The following NAV2 variants were observed in gnomAD, a reference collection of about 807,000 sequenced individuals.
The protein encoded by NAV2 is helicase, APC down-regulated 1.
A neutral mutation model predicts 223.2 loss-of-function variants in NAV2; 54 were observed. That is an observed-to-expected ratio of 0.24 (90% CI 0.19 to 0.30). NAV2 has a LOEUF of 0.30. NAV2 is among the 10% of genes least tolerant of loss of function. The probability of loss-of-function intolerance (pLI) is 1.00; values close to 1 mark genes in which losing one functional copy is unlikely to be tolerated. For synonymous variants in NAV2, 1,279 were observed against 1,239.3 expected (o/e 1.03, Z -0.67); for missense variants, 2,806 against 3,147.5 (o/e 0.89, Z 2.60).
chr11:19,752,229 C>T (rs1397240947), intron 1 of NAV2, among the ~76,000 whole-genome samples: 2 of 152,146 alleles, frequency 1.3e-5, no homozygotes, highest in Non-Finnish European at 2.9e-5. Context: ...AAAGCCCACA[C>T]GAGGGTACTC....
chr11:19,456,150 C>T (rs1564950289), intron 1 of NAV2, among the ~76,000 whole-genome samples: 1 of 152,214 alleles, frequency 6.6e-6, no homozygotes, highest in Non-Finnish European at 1.5e-5. Flanking sequence ...CTCTGAAAAA[C>T]ATAACCGGAA....
intron 1 of NAV2, among the ~76,000 whole-genome samples, chr11:19,667,387 A>G (rs1170781213): frequency 6.6e-6 from 1 of 152,204 alleles, no homozygotes; most frequent in African/African-American, 2.4e-5. Flanking sequence ...GTATCTGACT[A>G]TGGGCACAGG....
intron 1 of NAV2, among the ~76,000 whole-genome samples, chr11:19,707,561 C>T (rs1030148871): frequency 6.6e-6 from 1 of 152,124 alleles, no homozygotes; most frequent in Non-Finnish European, 1.5e-5. Flanking sequence ...ATCTCCTATG[C>T]CAACAATGCC....
At position 19,948,820 on chromosome 11, in the gene NAV2, A is replaced by C; in HGVS notation, c.2385A>C (p.Gly795=). 6.2e-7 allele frequency: 1 copy of C among 1,613,968 alleles called. No individual in the cohort carries two copies. Among genetic ancestry groups the C allele is most frequent in the Non-Finnish European group, 8.5e-7 (1 of 1,180,000 alleles). The change falls in exon 10 of 38, where the codon GGA becomes GGC. Residue 795 remains glycine, a synonymous_variant. Coordinates refer to ENST00000349880, the MANE Select transcript of NAV2 (RefSeq NM_145117.5). ...LGQSSPRLQA[G]DAPSMGNGYP... is the part of the protein sequence containing the mutation. ...AGTCCAGCCCTCGGCTCCAAGCAGG[A>C]GACGCCCCCTCAATGGGCAATGGGT...
In NAV2 at chr11:20,121,092, G is replaced by T. The variant is rs2063450884; in HGVS notation, c.*2834G>T. On this transcript the variant is annotated 3_prime_UTR_variant, in exon 38 of 38. Coordinates refer to ENST00000349880, the MANE Select transcript of NAV2 (RefSeq NM_145117.5). ...AGGAACAAGACTTGCCTAGATCTTT[G>T]TTGTATCTTGGGGACTTTTACTTTG... The T allele has an allele frequency of 6.6e-6, 1 of 152,344 alleles. No homozygotes were observed. Among genetic ancestry groups the T allele is most frequent in the Non-Finnish European group, 1.5e-5 (1 of 68,026 alleles). 9.4% of individuals were successfully genotyped at this position (152,344 alleles called of 1,614,324 possible).
chr11:19,616,144 C>A (rs1456367438), intron 1 of NAV2, among the ~76,000 whole-genome samples: 2 of 151,916 alleles, frequency 1.3e-5, no homozygotes, highest in Non-Finnish European at 2.9e-5. Flanking sequence ...CAAAATAGAG[C>A]CCCGTAGACT....
At chr11:20,062,022 G>A (rs1003178642) in intron 19 of NAV2, among the ~76,000 whole-genome samples, 8 of 152,186 alleles carry the variant, frequency 5.3e-5, no homozygotes, top group African/African-American at 7.2e-5. Flanking sequence ...ACACTTCTCC[G>A]TACTTGAACA....
chr11:19,572,045 A>T (rs1459065060), intron 1 of NAV2, among the ~76,000 whole-genome samples: 1 of 152,184 alleles, frequency 6.6e-6, no homozygotes, highest in Non-Finnish European at 1.5e-5. Context: ...GCCCCCTGCT[A>T]CCTGGGGCAG....
chr11:19,724,459 T>C (rs2152384148), intron 1 of NAV2, among the ~76,000 whole-genome samples: 1 of 152,324 alleles, frequency 6.6e-6, no homozygotes, highest in African/African-American at 2.4e-5. Context: ...GGGATCTTCC[T>C]GCCTCAGCCT....
intron 1 of NAV2, among the ~76,000 whole-genome samples, chr11:19,352,786 A>G (rs1362773220): frequency 6.6e-6 from 1 of 152,186 alleles, no homozygotes; most frequent in Non-Finnish European, 1.5e-5. Flanking sequence ...AGAAAGAATT[A>G]GATTGTTTTT....
intron 1 of NAV2, among the ~76,000 whole-genome samples, chr11:19,729,665 C>T (rs1267102868): frequency 2.0e-5 from 3 of 152,134 alleles, no homozygotes; most frequent in Non-Finnish European, 4.4e-5. Flanking sequence ...AGTGGGCTAG[C>T]AGAAAGGGCA....
chr11:19,646,302 G>T (rs2047814913), intron 1 of NAV2, among the ~76,000 whole-genome samples: 1 of 152,206 alleles, frequency 6.6e-6, no homozygotes, highest in East Asian at 1.9e-4. Flanking sequence ...ACCTTGAGGG[G>T]CTGCAGAATG....
At chr11:20,110,178 T>A (rs1338298866) in intron 36 of NAV2, among the ~76,000 whole-genome samples, 2 of 152,178 alleles carry the variant, frequency 1.3e-5, no homozygotes, top group Non-Finnish European at 2.9e-5. Flanking sequence ...ATCACTGCTT[T>A]GTGCTTAGAG....
At chr11:19,595,499 G>T (rs1056399521) in intron 1 of NAV2, among the ~76,000 whole-genome samples, 1 of 152,196 alleles carries the variant, frequency 6.6e-6, no homozygotes, top group South Asian at 2.1e-4. Flanking sequence ...ACACAGAGGG[G>T]TTTTACAACT....
chr11:20,092,135 T>C lies in NAV2; in HGVS notation c.5653-71T>C, dbSNP rs543747238. 2.0e-6 allele frequency: 3 copies of C among 1,494,792 alleles called. No individual in the cohort carries two copies. In the South Asian group the frequency reaches 3.6e-5, roughly 18 times the overall value. The allele number at this position is 1,494,792 out of a possible 1,614,324, so 92.6% of individuals were successfully genotyped here. On this transcript the variant is annotated intron_variant, in intron 27 of 37. Transcript: ENST00000349880. ...CTGGTTTCTGCAGGGAACTTTCAGA[T>C]CCTTCCTTCAGAAAAATCTTGTTCA...
chr11:19,947,130 C>T (rs2046998630), intron 9 of NAV2, among the ~76,000 whole-genome samples: 2 of 152,078 alleles, frequency 1.3e-5, no homozygotes, highest in South Asian at 2.1e-4. Context: ...CTTGTTGTCC[C>T]CACTGAGCTC....
At chr11:19,413,420 C>G (rs1850229181) in intron 1 of NAV2, among the ~76,000 whole-genome samples, 2 of 152,082 alleles carry the variant, frequency 1.3e-5, no homozygotes, top group African/African-American at 4.8e-5. Context: ...AAATATGGGA[C>G]TATGTGAAAA....
intron 6 of NAV2, among the ~76,000 whole-genome samples, chr11:19,908,633 T>C (rs887002392): frequency 8.5e-5 from 13 of 152,210 alleles, no homozygotes; most frequent in African/African-American, 3.1e-4. Context: ...TGTAGTAAAT[T>C]TTAATTCATT....
intron 1 of NAV2, among the ~76,000 whole-genome samples, chr11:19,589,391 C>T (rs946024543): frequency 2.6e-5 from 4 of 152,166 alleles, no homozygotes; most frequent in African/African-American, 9.7e-5. Flanking sequence ...GGTTACAATT[C>T]GGAGTGATCT....
Sources: gnomAD v4.1 joint callset for allele counts (sites outside exome capture counted in the v4.1 genomes callset) on GRCh38, gnomAD v4.1.1 for gene constraint, MANE v1.5 for transcripts, NCBI Gene and HGNC (gene_info 2026-07-23, HGNC 2026-07-21) for gene names.